Variants in SBF2 observed in about 807,000 individuals in gnomAD.
SBF2 encodes the protein SET binding factor 2.
Under a neutral mutation model 225.2 loss-of-function variants are expected in SBF2, and 112 were observed. That is an observed-to-expected ratio of 0.50 (90% confidence interval 0.43 to 0.58). The LOEUF is 0.58. SBF2 is among the 20% of genes least tolerant of loss of function. The pLI is 0.00. For synonymous variants in SBF2, 763 were observed against 773.3 expected (o/e 0.99, Z 0.22); for missense variants, 1,996 against 2,206.2 (o/e 0.90, Z 1.91).
intron 28 of SBF2, among the ~76,000 whole-genome samples, chr11:9,818,632 C>G: frequency 6.6e-6 from 1 of 152,198 alleles, no homozygotes; most frequent in East Asian, 1.9e-4. Flanking sequence ...ACCATGATGT[C>G]ACATCTGCTT....
intron 26 of SBF2, among the ~76,000 whole-genome samples, chr11:9,837,523 A>G (rs1855806515): frequency 1.3e-5 from 2 of 152,234 alleles, no homozygotes; most frequent in Non-Finnish European, 2.9e-5. Context: ...CTCTATTCCT[A>G]CAATAAACTC....
intron 2 of SBF2, among the ~76,000 whole-genome samples, chr11:10,078,794 TA>T (rs1314131442): frequency 1.3e-5 from 2 of 151,960 alleles, no homozygotes; most frequent in South Asian, 4.1e-4. Context: ...AAAACAAATT[TA>T]AAAAAATTGC....
intron 13 of SBF2, among the ~76,000 whole-genome samples, chr11:9,984,081 T>A (rs1418151556): frequency 6.6e-6 from 1 of 151,578 alleles, no homozygotes; most frequent in Non-Finnish European, 1.5e-5. Context: ...CAAGAAGAAA[T>A]CTCTGATTAC....
intron 2 of SBF2, among the ~76,000 whole-genome samples, chr11:10,045,500 A>C (rs1452399034): frequency 2.0e-5 from 3 of 152,204 alleles, no homozygotes; most frequent in African/African-American, 4.8e-5. Flanking sequence ...ATAGGAATAG[A>C]TTGAAATAGA....
At chr11:10,077,208 G>A (rs1437976609) in intron 2 of SBF2, among the ~76,000 whole-genome samples, 2 of 152,162 alleles carry the variant, frequency 1.3e-5, no homozygotes, top group Non-Finnish European at 2.9e-5. Context: ...AACCAATATC[G>A]TGAAAATGGC....
At chr11:10,196,866 A>ATATATATTTTTTTTTT in intron 1 of SBF2, among the ~76,000 whole-genome samples, 4 of 99,310 alleles carry the variant, frequency 4.0e-5, no homozygotes, top group Non-Finnish European at 5.9e-5. Context: ...ATATATATAT[A>ATATATATTTTTTTTTT]TTTTTTTTTT....
At chr11:10,125,078 A>G (rs2135069449) in intron 2 of SBF2, among the ~76,000 whole-genome samples, 1 of 147,266 alleles carries the variant, frequency 6.8e-6, no homozygotes, top group East Asian at 2.0e-4. Flanking sequence ...ACTGCACTCC[A>G]GCCTGGGTGA....
At chr11:10,290,621 A>C (rs1025547124) in intron 1 of SBF2, among the ~76,000 whole-genome samples, 1 of 152,166 alleles carries the variant, frequency 6.6e-6, no homozygotes, top group African/African-American at 2.4e-5. Context: ...GAGACTGAAC[A>C]ATAAGTAAAT....
chr11:10,256,253 CT>C (rs968164167), intron 1 of SBF2, among the ~76,000 whole-genome samples: 1 of 152,168 alleles, frequency 6.6e-6, no homozygotes, highest in African/African-American at 2.4e-5. Flanking sequence ...AACTCTGCCC[CT>C]ATTATGACTG....
chr11:10,001,618 G>C (rs1158930427), intron 7 of SBF2, among the ~76,000 whole-genome samples: 1 of 151,798 alleles, frequency 6.6e-6, no homozygotes, highest in African/African-American at 2.4e-5. Flanking sequence ...TCCGCCTCCA[G>C]GGTTCACACC....
At chr11:10,203,704 C>G (rs1233704270) in intron 1 of SBF2, among the ~76,000 whole-genome samples, 2 of 151,930 alleles carry the variant, frequency 1.3e-5, no homozygotes, top group African/African-American at 4.8e-5. Flanking sequence ...TCTAAATTAT[C>G]ATTATGTTGC....
At chr11:9,818,669 G>A (rs1854584762) in intron 28 of SBF2, among the ~76,000 whole-genome samples, 1 of 152,042 alleles carries the variant, frequency 6.6e-6, no homozygotes, top group South Asian at 2.1e-4. Flanking sequence ...GCATTTACGG[G>A]GTCAGGAGAC....
intron 13 of SBF2, among the ~76,000 whole-genome samples, chr11:9,976,691 A>G (rs1946699003): frequency 6.6e-6 from 1 of 152,222 alleles, no homozygotes; most frequent in South Asian, 2.1e-4. Context: ...CAGATGCAAA[A>G]CAAATTACAA....
At chr11:9,852,650 C>T (rs376185854) in intron 21 of SBF2, 26 bp downstream of exon 21, 10 of 1,559,380 alleles carry the variant, frequency 6.4e-6, no homozygotes, top group Non-Finnish European at 8.8e-6. Flanking sequence ...GAGGCTATAC[C>T]CTGAAAGCAT....
At chr11:9,917,770 T>C (rs1359884239) in intron 16 of SBF2, among the ~76,000 whole-genome samples, 2 of 151,430 alleles carry the variant, frequency 1.3e-5, no homozygotes, top group Non-Finnish European at 2.9e-5. Flanking sequence ...ACCACTGGAA[T>C]CTGTATCGCC....
At chr11:10,294,830 G>T (rs570416333), upstream of SBF2, among the ~76,000 whole-genome samples, 2 of 152,216 alleles carry the variant, frequency 1.3e-5, no homozygotes, top group African/African-American at 4.8e-5. Flanking sequence ...CGGCATCCCC[G>T]GGATCCTCCC....
chr11:10,175,232 T>A (rs1021163985), intron 2 of SBF2, among the ~76,000 whole-genome samples: 3 of 151,376 alleles, frequency 2.0e-5, no homozygotes, highest in African/African-American at 7.3e-5. Context: ...GGATAAAGAG[T>A]CAAGACCCAT....
At chr11:10,147,326 C>T (rs1954937923) in intron 2 of SBF2, among the ~76,000 whole-genome samples, 1 of 152,110 alleles carries the variant, frequency 6.6e-6, no homozygotes, top group Non-Finnish European at 1.5e-5. Context: ...CCTAAATGTC[C>T]ATCAATGGTA....
At chr11:10,176,615 T>C (rs529326915) in intron 2 of SBF2, among the ~76,000 whole-genome samples, 4 of 152,164 alleles carry the variant, frequency 2.6e-5, no homozygotes, top group East Asian at 1.9e-4. Context: ...TTCCTCGACA[T>C]ATACACCCTC....
Sources: gnomAD v4.1 joint callset for allele counts (sites outside exome capture counted in the v4.1 genomes callset) on GRCh38, gnomAD v4.1.1 for gene constraint, MANE v1.5 for transcripts, NCBI Gene and HGNC (gene_info 2026-07-23, HGNC 2026-07-21) for gene names.